APP: variants seen among roughly 807,000 people sequenced by gnomAD.
APP encodes the protein amyloid beta precursor protein.
Under a neutral mutation model 101.4 loss-of-function variants are expected in APP, and 31 were observed. That is an observed-to-expected ratio of 0.31 (90% CI 0.23 to 0.41). The LOEUF (loss-of-function observed/expected upper bound fraction) is 0.41. Ranked by LOEUF, APP falls within the 10% of genes least tolerant of loss-of-function variation. APP has a pLI of 1.00. For synonymous variants in APP, 366 were observed against 364.4 expected (o/e 1.00, Z -0.05); for missense variants, 839 against 1,003.7 (o/e 0.84, Z 2.22).
chr21:26,143,003 ATTACT>A, intron 1 of APP, among the ~76,000 whole-genome samples: 1 of 152,334 alleles, frequency 6.6e-6, no homozygotes, highest in African/African-American at 2.4e-5. Context: ...AAAATTCAGT[ATTACT>A]TTACTTTCCA....
chr21:26,085,288 T>G (rs780813652), intron 3 of APP, among the ~76,000 whole-genome samples: 1 of 152,064 alleles, frequency 6.6e-6, no homozygotes, highest in Non-Finnish European at 1.5e-5. Context: ...GGTCATTCCT[T>G]ATGAGACCAT....
At chr21:26,074,755 A>C (rs2061472649) in intron 3 of APP, among the ~76,000 whole-genome samples, 1 of 152,220 alleles carries the variant, frequency 6.6e-6, no homozygotes, top group African/African-American at 2.4e-5. Flanking sequence ...TCTCACAAAA[A>C]AAAAAAAATC....
intron 1 of APP, among the ~76,000 whole-genome samples, chr21:26,115,008 T>C (rs2062405049): frequency 2.6e-5 from 4 of 152,198 alleles, no homozygotes; most frequent in Admixed American, 2.0e-4. Context: ...CTGTCTCATG[T>C]TGTCTTCATT....
intron 1 of APP, among the ~76,000 whole-genome samples, chr21:26,144,564 T>A (rs2063116533): frequency 6.6e-6 from 1 of 152,180 alleles, no homozygotes; most frequent in African/African-American, 2.4e-5. Context: ...ACACTCAATC[T>A]TAAATTTAAA....
In APP at chr21:26,018,400, A is replaced by G. The variant is rs116157726; in HGVS notation, c.865+3440T>C. ...ACACAGAAGCAACCTACTTGTAATT[A>G]GAGTTTTACAAAATGAGTAATCACC... On this transcript the variant is annotated intron_variant, in intron 6 of 17. Transcript: ENST00000346798. 3.4e-3 allele frequency among the ~76,000 whole-genome samples: 513 copies of G among 152,348 alleles called. 6 individuals carry two copies. Among genetic ancestry groups the G allele is most frequent in the African/African-American group, 0.012 (491 of 41,592 alleles).
intron 11 of APP, among the ~76,000 whole-genome samples, chr21:25,965,618 A>G (rs1453838104): frequency 6.6e-5 from 10 of 152,196 alleles, no homozygotes; most frequent in Non-Finnish European, 1.3e-4. Flanking sequence ...TGGCATCTTT[A>G]AACTGGTATC....
chr21:26,017,198 CAAAA>C (rs35206910), intron 6 of APP, among the ~76,000 whole-genome samples: 3 of 56,366 alleles, frequency 5.3e-5, no homozygotes, highest in South Asian at 7.3e-4. Context: ...GACTGTATCT[CAAAA>C]AAAAAAAAAA....
chr21:25,945,864 T>G (rs951880020), intron 13 of APP: 1 of 455,114 alleles, frequency 2.2e-6, no homozygotes, highest in East Asian at 7.0e-5. Context: ...AATTTTTTTG[T>G]AGAAATGTGG....
At chr21:26,057,514 T>C (rs1262843597) in intron 3 of APP, among the ~76,000 whole-genome samples, 1 of 151,640 alleles carries the variant, frequency 6.6e-6, no homozygotes, top group Non-Finnish European at 1.5e-5. Flanking sequence ...ACTGAAAGGG[T>C]GTTTTCAAAG....
chr21:25,882,622 G>A (rs960427530), intron 17 of APP, among the ~76,000 whole-genome samples: 1 of 151,826 alleles, frequency 6.6e-6, no homozygotes. Flanking sequence ...CGTGGGCAGT[G>A]GCTGTTCTTG....
intron 1 of APP, among the ~76,000 whole-genome samples, chr21:26,157,244 A>G (rs1017126671): frequency 6.6e-6 from 1 of 151,928 alleles, no homozygotes; most frequent in African/African-American, 2.4e-5. Context: ...TGATTTTTGT[A>G]TTTTTTGTAG....
At chr21:26,143,110 A>C (rs917502559) in intron 1 of APP, among the ~76,000 whole-genome samples, 2 of 152,244 alleles carry the variant, frequency 1.3e-5, no homozygotes, top group African/African-American at 4.8e-5. Flanking sequence ...AATCAATTTT[A>C]AGGCAGAAAA....
intron 2 of APP, among the ~76,000 whole-genome samples, chr21:26,104,564 G>GA (rs2146178430): frequency 6.6e-6 from 1 of 152,220 alleles, no homozygotes; most frequent in South Asian, 2.1e-4. Flanking sequence ...AAAAGACTGT[G>GA]TTTTTACTTT....
intron 11 of APP, among the ~76,000 whole-genome samples, chr21:25,967,603 C>G (rs2041843722): frequency 6.6e-6 from 1 of 152,048 alleles, no homozygotes. Context: ...ATAAAAAATC[C>G]CTATCTGGCC....
intron 13 of APP, among the ~76,000 whole-genome samples, chr21:25,943,449 C>CT (rs769731298): frequency 0.061 from 6,673 of 109,134 alleles, 381 homozygotes; most frequent in African/African-American, 0.16. Context: ...CCGCACCCAG[C>CT]TTTTTTTTTT....
intron 5 of APP, 88 bp downstream of exon 5, chr21:26,050,912 G>A (rs1241548996): frequency 3.3e-6 from 5 of 1,510,812 alleles, no homozygotes; most frequent in Admixed American, 1.7e-5. Flanking sequence ...CCTTTTCAGT[G>A]ATAAACAGAA....
intron 5 of APP, among the ~76,000 whole-genome samples, chr21:26,035,655 T>C (rs569613615): frequency 2.6e-5 from 4 of 152,288 alleles, no homozygotes; most frequent in Admixed American, 6.5e-5. Flanking sequence ...AACTTAAATT[T>C]GGGGGTTCCA....
At chr21:26,156,579 C>T (rs1429222778) in intron 1 of APP, among the ~76,000 whole-genome samples, 1 of 145,422 alleles carries the variant, frequency 6.9e-6, no homozygotes, top group Non-Finnish European at 1.5e-5. Context: ...CAACAGCCCC[C>T]AGCTCTGCAA....
chr21:26,117,908 A>C (rs2062472758), intron 1 of APP, among the ~76,000 whole-genome samples: 1 of 152,170 alleles, frequency 6.6e-6, no homozygotes, highest in African/African-American at 2.4e-5. Context: ...CAGAGGAGTA[A>C]TCTACATATT....
Sources: gnomAD v4.1 joint callset for allele counts (sites outside exome capture counted in the v4.1 genomes callset) on GRCh38, gnomAD v4.1.1 for gene constraint, MANE v1.5 for transcripts, NCBI Gene and HGNC (gene_info 2026-07-23, HGNC 2026-07-21) for gene names.